Variants in TANC2 observed in about 807,000 individuals in gnomAD.
The protein encoded by TANC2 is protein TANC2.
In TANC2, 26 loss-of-function variants were observed where a neutral mutation model predicts 210.5. The ratio of observed to expected loss-of-function variants is 0.12; its 90% CI spans 0.09 to 0.17. TANC2 has a LOEUF of 0.17. Ranked by LOEUF, TANC2 falls within the 10% of genes least tolerant of loss-of-function variation. TANC2 has a pLI of 1.00. For synonymous variants in TANC2, 931 were observed against 967.1 expected (o/e 0.96, Z 0.69); for missense variants, 2,129 against 2,608.9 (o/e 0.82, Z 4.01).
At chr17:63,027,287 A>G (rs2034591246) in intron 2 of TANC2, among the ~76,000 whole-genome samples, 1 of 152,120 alleles carries the variant, frequency 6.6e-6, no homozygotes, top group Admixed American at 6.6e-5. Context: ...TTCTACATTC[A>G]TAAATTTGAG....
chr17:63,365,850 CCTCCTG>C (rs2047094773), intron 14 of TANC2, among the ~76,000 whole-genome samples: 1 of 151,974 alleles, frequency 6.6e-6, no homozygotes. Context: ...TAAGTAAGTG[CCTCCTG>C]GTTTATCTCT....
chr17:63,258,936 C>T (rs2043278640), intron 8 of TANC2, among the ~76,000 whole-genome samples: 1 of 152,144 alleles, frequency 6.6e-6, no homozygotes, highest in Admixed American at 6.5e-5. Flanking sequence ...CAGAGTCACA[C>T]CTAAGGTCAG....
chr17:63,119,652 TCA>T (rs2038386261), intron 4 of TANC2, among the ~76,000 whole-genome samples: 1 of 152,344 alleles, frequency 6.6e-6, no homozygotes, highest in South Asian at 2.1e-4. Flanking sequence ...ATGACTATCC[TCA>T]CACATGTATG....
At chr17:63,086,084 A>C (rs2036954431) in intron 3 of TANC2, among the ~76,000 whole-genome samples, 1 of 151,426 alleles carries the variant, frequency 6.6e-6, no homozygotes, top group Admixed American at 6.6e-5. Flanking sequence ...GTTTCTGAGG[A>C]GATATCAGGT....
intron 5 of TANC2, among the ~76,000 whole-genome samples, chr17:63,183,109 C>A (rs751594726): frequency 6.6e-6 from 1 of 152,104 alleles, no homozygotes; most frequent in Non-Finnish European, 1.5e-5. Flanking sequence ...TCTCTGTATG[C>A]ACTTTGCTTT....
chr17:63,102,961 T>C (rs932885764), intron 4 of TANC2, among the ~76,000 whole-genome samples: 1 of 152,164 alleles, frequency 6.6e-6, no homozygotes, highest in Non-Finnish European at 1.5e-5. Context: ...TTAGATATTA[T>C]AAGTAATTTA....
chr17:63,015,571 G>A (rs1342445029), intron 2 of TANC2, among the ~76,000 whole-genome samples: 5 of 151,664 alleles, frequency 3.3e-5, no homozygotes, highest in African/African-American at 1.2e-4. Context: ...TGTGGTGTTT[G>A]GTTTTTTTGT....
chr17:63,004,813 CT>C (rs947665559), intron 1 of TANC2: 22 of 334,780 alleles, frequency 6.6e-5, no homozygotes, highest in African/African-American at 4.6e-4. Context: ...ACCTTCTTTC[CT>C]TTCTTTACCA....
chr17:63,104,203 C>T (rs1208084898), intron 4 of TANC2, among the ~76,000 whole-genome samples: 1 of 151,932 alleles, frequency 6.6e-6, no homozygotes, highest in Admixed American at 6.6e-5. Flanking sequence ...GCTTTGGGGG[C>T]GATGTGGAAA....
At chr17:63,314,261 T>C in intron 9 of TANC2, 127 bp from the exon 10 acceptor site, 1 of 1,032,650 alleles carries the variant, frequency 9.7e-7, no homozygotes, top group Non-Finnish European at 1.4e-6. Context: ...TTGCATTATT[T>C]CTGAATAAGC....
intron 4 of TANC2, among the ~76,000 whole-genome samples, chr17:63,132,908 C>T (rs2038966434): frequency 2.6e-5 from 4 of 152,150 alleles, no homozygotes; most frequent in Admixed American, 2.6e-4. Context: ...TTTAATTTAT[C>T]CTTACAGAAT....
At chr17:63,389,257 AG>A in intron 16 of TANC2, 50 bp from the exon 17 acceptor site, 1 of 1,400,200 alleles carries the variant, frequency 7.1e-7, no homozygotes, top group Non-Finnish European at 1.0e-6. Flanking sequence ...GATGACTAAA[AG>A]GATGTGACTC....
rs887365958 is a variant in TANC2 at position 63,314,803 on chromosome 17, G to A, written c.1441+134G>A. The A allele has an allele frequency of 4.4e-6, 5 of 1,148,544 alleles. No individual in the cohort carries two copies. In the African/African-American group the frequency reaches 4.7e-5, roughly 11 times the overall value. The allele number at this position is 1,148,544 out of a possible 1,614,324, so 71.1% of individuals were successfully genotyped here. Reference sequence around the variant, plus strand: ...TTCCACGTGAGGACTATTCATTTAGGTTGAGAGAAAGATTGTAATACTCTA... The same window carrying A: ...TTCCACGTGAGGACTATTCATTTAGATTGAGAGAAAGATTGTAATACTCTA... On this transcript the variant is annotated intron_variant, in intron 10 of 27. Transcript: ENST00000689528.
At chr17:63,376,600 G>A (rs1410961247) in intron 14 of TANC2, among the ~76,000 whole-genome samples, 3 of 152,068 alleles carry the variant, frequency 2.0e-5, no homozygotes, top group African/African-American at 7.2e-5. Context: ...AGTTTAAAAA[G>A]GGACTTTAAT....
chr17:63,345,628 A>AAAC (rs1555637165), intron 12 of TANC2, among the ~76,000 whole-genome samples: 1 of 151,824 alleles, frequency 6.6e-6, no homozygotes, highest in African/African-American at 2.4e-5. Flanking sequence ...TCAAAAAAAA[A>AAAC]AAAAAAAAAA....
At chr17:63,016,015 G>A (rs1022413888) in intron 2 of TANC2, among the ~76,000 whole-genome samples, 3 of 151,916 alleles carry the variant, frequency 2.0e-5, no homozygotes, top group African/African-American at 7.3e-5. Context: ...TCAGATATTC[G>A]GGAATTCAGA....
chr17:63,201,241 A>G (rs1325671494), intron 7 of TANC2, among the ~76,000 whole-genome samples: 1 of 152,162 alleles, frequency 6.6e-6, no homozygotes, highest in Non-Finnish European at 1.5e-5. Flanking sequence ...ACGTACATCA[A>G]CTATCTACCA....
chr17:63,427,085 TG>T (rs1218246566), exon 28 of TANC2: 1 of 152,280 alleles, frequency 6.6e-6, no homozygotes, highest in Admixed American at 6.5e-5. Context: ...TTTTGTTTTT[TG>T]TTTCCTTTGG....
At chr17:63,008,270 G>A (rs2033713375) in intron 1 of TANC2, among the ~76,000 whole-genome samples, 1 of 151,842 alleles carries the variant, frequency 6.6e-6, no homozygotes, top group Admixed American at 6.6e-5. Context: ...TTCATATATT[G>A]CTTCTTCCCA....
Sources: allele counts gnomAD v4.1 joint callset (sites outside exome capture counted in the v4.1 genomes callset), GRCh38; gene constraint gnomAD v4.1.1; transcripts MANE v1.5; gene names NCBI Gene and HGNC (gene_info 2026-07-23, HGNC 2026-07-21).